The following MYH14 variants were observed in gnomAD, a reference collection of about 807,000 sequenced individuals.
The protein encoded by MYH14 is myosin-14.
In MYH14, 123 loss-of-function variants were observed where a neutral mutation model predicts 255.5. The ratio of observed to expected loss-of-function variants is 0.48; its 90% CI spans 0.42 to 0.56. The LOEUF (loss-of-function observed/expected upper bound fraction) is 0.56, where lower values mean the gene tolerates loss of function less well. Ranked by LOEUF, MYH14 falls within the 20% of genes least tolerant of loss-of-function variation. MYH14 has a pLI of 0.00. For missense variants in MYH14, 2,423 were observed against 2,802.3 expected, an observed-to-expected ratio of 0.86 and a Z score of 3.06; for synonymous variants, 1,095 against 1,161.2, an observed-to-expected ratio of 0.94 and a Z score of 1.16.
chr19:50,259,252 G>A lies in MYH14; in HGVS notation c.2341G>A (p.Glu781Lys), dbSNP rs780583341. 1.3e-6 allele frequency: 2 copies of A among 1,583,580 alleles called. No homozygotes were observed. The highest frequency in any genetic ancestry group is 1.1e-5 in the South Asian group (1 of 87,004). Residue 781 changes from glutamate (E) to lysine (K), a missense_variant, in exon 19 of 43, where the codon GAG becomes AAG. By Grantham distance (56) the Glu-to-Lys change is moderately conservative. Transcript: ENST00000642316. ...QGFPNRILFQ[E>K]FRQRYEILTP... is the part of the protein sequence containing the mutation. Reference sequence around the variant, plus strand: ...CTTCCCCAACCGCATCCTCTTCCAGGAGTTCCGGCAGCGGTGAGCTAGAGC... The same window carrying A: ...CTTCCCCAACCGCATCCTCTTCCAGAAGTTCCGGCAGCGGTGAGCTAGAGC...
chr19:50,213,602 G>A (rs1600860728), intron 2 of MYH14, among the ~76,000 whole-genome samples: 1 of 152,192 alleles, frequency 6.6e-6, no homozygotes, highest in South Asian at 2.1e-4. Context: ...CCTTAATAAA[G>A]ATCATTAGCA....
intron 10 of MYH14, among the ~76,000 whole-genome samples, 188 bp downstream of exon 10, chr19:50,232,258 C>T (rs547084239): frequency 6.6e-6 from 1 of 152,252 alleles, no homozygotes; most frequent in South Asian, 2.1e-4. Flanking sequence ...AAATGAGAGC[C>T]CCCAACCAAG....
chr19:50,223,141 G>A (rs777862087), intron 4 of MYH14, 31 bp downstream of exon 4: 10 of 1,613,384 alleles, frequency 6.2e-6, no homozygotes, highest in South Asian at 1.1e-5. Flanking sequence ...TCCTGGAGGA[G>A]GAGAGGTCTG....
In MYH14 at chr19:50,230,866, C is replaced by A. The variant is rs2033346062; in HGVS notation, c.973+243C>A. 6.0e-6 allele frequency: 3 copies of A among 501,798 alleles called. No homozygotes were observed. The highest frequency in any genetic ancestry group is 1.1e-5 in the Non-Finnish European group (3 of 278,568). The allele number at this position is 501,798 out of a possible 1,614,324, so 31.1% of individuals were successfully genotyped here. ...GCTCGCGCCCGCTGTCACGGCCACG[C>A]AGCCCCCGCCGCCTGGTGGCTCCTG... On this transcript the variant is annotated intron_variant, in intron 9 of 42. Transcript: ENST00000642316. The surrounding 1 kb of genome is among the most constrained non-coding windows in gnomAD (Gnocchi z 4.7).
chr19:50,249,364 G>A (rs1364225573), intron 13 of MYH14: 6 of 616,222 alleles, frequency 9.7e-6, no homozygotes, highest in Admixed American at 3.2e-5. Flanking sequence ...CCTGTCTCTG[G>A]GTCTCTGTCC....
At position 50,278,157 on chromosome 19, in the gene MYH14, C is replaced by G. The variant is rs766290176; in HGVS notation, c.3900C>G (p.Ser1300Arg). Residue 1300 changes from serine to arginine, a missense_variant, in exon 30 of 43, where the codon AGC becomes AGG. Transcript: ENST00000642316. ...EVSELRAELS[S>R]LQTARQEGEQ... ...CCGAGCTGCGGGCAGAACTGAGCAG[C>G]CTGCAGACTGCACGTCAGGAGGGTG... The G allele has an allele frequency of 1.9e-6, 3 of 1,612,248 alleles. No homozygotes were observed. The highest frequency in any genetic ancestry group is 4.5e-5 in the East Asian group (2 of 44,830).
At chr19:50,206,303 G>A (rs574871420) in intron 1 of MYH14, among the ~76,000 whole-genome samples, 1 of 152,046 alleles carries the variant, frequency 6.6e-6, no homozygotes, top group Admixed American at 6.6e-5. Context: ...AGGGCTGGGG[G>A]CTTGGACTCT....
intron 30 of MYH14, 128 bp downstream of exon 30, chr19:50,278,417 C>T: frequency 1.6e-6 from 1 of 637,564 alleles, no homozygotes; most frequent in African/African-American, 1.9e-5. Context: ...TAATCATGTA[C>T]AAGTCTGGGC....
At position 50,310,171 on chromosome 19, in the gene MYH14, T is replaced by TTCTCTCTCTC. The variant is rs376379600; in HGVS notation, c.*394_*403dup. On this transcript the variant is annotated 3_prime_UTR_variant, in exon 43 of 43. Transcript: ENST00000642316. ...AGCCAGTGCAACCCATTCCCTCTGC[T>TTCTCTCTCTC]TCTCTCTCTCTCTCTCTCTCTCCCT... 1 of 232,144 alleles carries TTCTCTCTCTC rather than the reference T, an allele frequency of 4.3e-6. No homozygotes were observed. The highest frequency in any genetic ancestry group is 8.4e-6 in the Non-Finnish European group (1 of 119,604). 14.4% of individuals were successfully genotyped at this position (232,144 alleles called of 1,614,324 possible).
intron 11 of MYH14, among the ~76,000 whole-genome samples, chr19:50,245,488 T>C (rs1260940292): frequency 2.0e-5 from 3 of 150,238 alleles, no homozygotes; most frequent in Non-Finnish European, 4.5e-5. Flanking sequence ...AGAAAGACAA[T>C]TACCCATAAT....
rs2035721921 is a variant in MYH14 at position 50,281,611 on chromosome 19, G to A, written c.4308G>A (p.Arg1436=). 2 of 1,591,976 alleles carry A rather than the reference G, an allele frequency of 1.3e-6. No individual in the cohort carries two copies. Among genetic ancestry groups the A allele is most frequent in the African/African-American group, 1.3e-5 (1 of 74,320 alleles). Residue 1436 remains arginine, a synonymous_variant, in exon 33 of 43, where the codon CGG becomes CGA. Transcript: ENST00000642316. ...CCCCTCAGCTTTCCGAGTGGCGGCG[G>A]CGCCAGGAGGAGGAGGCAGGGGCAC... ...TAQAQLSEWR[R]RQEEEAGALE... is the part of the protein sequence containing the mutation.
chr19:50,213,931 C>A (rs1200225619), intron 2 of MYH14, among the ~76,000 whole-genome samples: 3 of 152,092 alleles, frequency 2.0e-5, no homozygotes, highest in African/African-American at 7.2e-5. Context: ...CTCAAGTGAT[C>A]CTCCTGCCTC....
Position 50,252,604 on chromosome 19 carries a change from C to A in MYH14, c.1831-35C>A. The A allele has an allele frequency of 7.2e-7, 1 of 1,391,076 alleles. No homozygotes were observed. The highest frequency in any genetic ancestry group is 1.0e-6 in the Non-Finnish European group (1 of 999,274). The allele number at this position is 1,391,076 out of a possible 1,614,324, so 86.2% of individuals were successfully genotyped here. ...GAAATCCAGAGAATGTCTGAGCCTG[C>A]AAGTCATCGCCCTCCTCTACCTGAC... On this transcript the variant is annotated intron_variant, in intron 15 of 42. Coordinates refer to ENST00000642316, the MANE Select transcript of MYH14 (RefSeq NM_001145809.2). This position sits in a 1 kb window ranked among gnomAD's most constrained non-coding sequence, Gnocchi z 4.2.
intron 17 of MYH14, 47 bp downstream of exon 17, chr19:50,255,365 G>T: frequency 6.9e-7 from 1 of 1,444,598 alleles, no homozygotes; most frequent in Non-Finnish European, 9.5e-7. Context: ...GGAGGAGGAG[G>T]GTGGACCTGT....
Position 50,306,016 on chromosome 19 carries a change from C to T in MYH14, c.5679-1033C>T, listed in dbSNP as rs1300877906. Among the ~76,000 whole-genome samples, 8 of 151,920 alleles carry T rather than the reference C, an allele frequency of 5.3e-5. No homozygotes were observed. The East Asian group carries it at 5.8e-4, about 11-fold the overall frequency. On this transcript the variant is annotated intron_variant, in intron 40 of 42. Transcript: ENST00000642316. ...AGTCTCAGCCGGGCGCAGTGGCTCA[C>T]GCCTGTAATCCCAGCACTTTGGGAG...
At chr19:50,207,583 C>T (rs920991771) in intron 1 of MYH14, among the ~76,000 whole-genome samples, 6 of 152,084 alleles carry the variant, frequency 3.9e-5, no homozygotes, top group Non-Finnish European at 7.4e-5. Context: ...GGCGGAGTCT[C>T]GTACTTGAAA....
chr19:50,264,055 CAAAAAAAAAA>C (rs34015428), intron 22 of MYH14, among the ~76,000 whole-genome samples: 2 of 33,420 alleles, frequency 6.0e-5, no homozygotes, highest in East Asian at 1.0e-3. Flanking sequence ...AACTCTGTCT[CAAAAAAAAAA>C]AAAAAAAAAA....
chr19:50,223,374 C>T, intron 5 of MYH14, 25 bp downstream of exon 5: 1 of 1,491,286 alleles, frequency 6.7e-7, no homozygotes, highest in Admixed American at 2.0e-5. Flanking sequence ...CTTGGGTCAC[C>T]CCCGGGCCCT....
chr19:50,303,293 C>T (rs1601070492), intron 40 of MYH14, among the ~76,000 whole-genome samples: 1 of 151,908 alleles, frequency 6.6e-6, no homozygotes, highest in Non-Finnish European at 1.5e-5. Context: ...ATTGGCTGGG[C>T]TTGCATAACT....
Sources: gnomAD v4.1 joint callset for allele counts (sites outside exome capture counted in the v4.1 genomes callset) on GRCh38, gnomAD v4.1.1 for gene constraint, Gnocchi (gnomAD v3.1) non-coding constraint, MANE v1.5 for transcripts, NCBI Gene and HGNC (gene_info 2026-07-23, HGNC 2026-07-21) for gene names.